KCNQ1: variants seen among roughly 807,000 people sequenced by gnomAD.
KCNQ1 encodes the protein potassium voltage-gated channel subfamily KQT member 1.
KCNQ1 carries 49 observed loss-of-function variants against 72.4 expected under a neutral mutation model. The observed-to-expected ratio is 0.68, with a 90% confidence interval of 0.54 to 0.86. The LOEUF (loss-of-function observed/expected upper bound fraction) is 0.86. Ranked by LOEUF, KCNQ1 falls within the 40% of genes least tolerant of loss-of-function variation. KCNQ1 has a pLI of 0.00. For synonymous variants in KCNQ1, 450 were observed against 412.6 expected, an observed-to-expected ratio of 1.09 and a Z score of -1.10; for missense variants, 790 against 945.1, an observed-to-expected ratio of 0.84 and a Z score of 2.15.
chr11:2,689,345 G>C (rs768893958), intron 11 of KCNQ1: 2 of 398,562 alleles, frequency 5.0e-6, no homozygotes, highest in Non-Finnish European at 8.8e-6. Context: ...AGAGCTTGAG[G>C]CCTTTAGGTC....
At chr11:2,837,471 C>A (rs1848096724) in intron 15 of KCNQ1, among the ~76,000 whole-genome samples, 1 of 152,226 alleles carries the variant, frequency 6.6e-6, no homozygotes, top group South Asian at 2.1e-4. Flanking sequence ...ACTCCCCGGC[C>A]CCTCCCTGCT....
intron 11 of KCNQ1, chr11:2,681,899 G>A (rs565585915): frequency 2.0e-5 from 8 of 398,518 alleles, no homozygotes; most frequent in East Asian, 7.1e-5. Flanking sequence ...AAAACACACC[G>A]GCCATAATGA....
At position 2,664,168 on chromosome 11, in the gene KCNQ1, G is replaced by A; in HGVS notation, c.1514+2087G>A. On this transcript the variant is annotated intron_variant, in intron 11 of 15. Coordinates refer to ENST00000155840, the MANE Select transcript of KCNQ1 (RefSeq NM_000218.3). This position sits in a 1 kb window ranked among gnomAD's most constrained non-coding sequence, Gnocchi z 5.1. ...CTCAGAGCAGGCTGTTCCAAAAGTG[G>A]CTGCTAGATATGAGCCAGCCTGGGA... 1 of 398,728 alleles carries A rather than the reference G, an allele frequency of 2.5e-6. No individual in the cohort carries two copies. 24.7% of individuals were successfully genotyped at this position (398,728 alleles called of 1,614,324 possible).
At position 2,816,037 on chromosome 11, in the gene KCNQ1, T is replaced by G. The variant is rs1028243768; in HGVS notation, c.1795-31730T>G. Among the ~76,000 whole-genome samples the G allele has an allele frequency of 6.6e-6, 1 of 152,052 alleles. No homozygotes were observed. Among genetic ancestry groups the G allele is most frequent in the Non-Finnish European group, 1.5e-5 (1 of 68,008 alleles). ...CACACAGTCCTGGGTGAGGGCTCCG[T>G]TAGATGAATGTGGACGGCTGGCGGC... On this transcript the variant is annotated intron_variant, in intron 15 of 15. Coordinates refer to ENST00000155840, the MANE Select transcript of KCNQ1 (RefSeq NM_000218.3). The surrounding 1 kb of genome is among the most constrained non-coding windows in gnomAD (Gnocchi z 6.8).
intron 15 of KCNQ1, among the ~76,000 whole-genome samples, chr11:2,843,806 T>C (rs1201412152): frequency 6.6e-6 from 1 of 152,250 alleles, no homozygotes; most frequent in Admixed American, 6.5e-5. Context: ...TAATTGCTTT[T>C]TTCTCTTCCG....
chr11:2,672,134 C>G, intron 11 of KCNQ1: 2 of 398,752 alleles, frequency 5.0e-6, no homozygotes, highest in Non-Finnish European at 8.8e-6. Flanking sequence ...CTAATCCTCC[C>G]TCTTTGGGCC....
chr11:2,588,927 C>T lies in KCNQ1; in HGVS notation c.1393+73C>T. 1.9e-6 allele frequency: 3 copies of T among 1,546,816 alleles called. No individual in the cohort carries two copies. The highest frequency in any genetic ancestry group is 8.8e-7 in the Non-Finnish European group (1 of 1,135,290). On this transcript the variant is annotated intron_variant, in intron 10 of 15. Coordinates refer to ENST00000155840, the MANE Select transcript of KCNQ1 (RefSeq NM_000218.3). This position sits in a 1 kb window ranked among gnomAD's most constrained non-coding sequence, Gnocchi z 5.6. ...TGCCTTTTTTGGGAGCCCGAGCAAGCCAGTGAGTTTCTCCCTTGGGCTGTG... is the reference window on the plus strand; with the variant it reads ...TGCCTTTTTTGGGAGCCCGAGCAAGTCAGTGAGTTTCTCCCTTGGGCTGTG...
At chr11:2,632,056 G>A (rs1276255072) in intron 10 of KCNQ1, 3 of 396,352 alleles carry the variant, frequency 7.6e-6, no homozygotes, top group Non-Finnish European at 1.3e-5. Context: ...AGCAGCGTGT[G>A]CCTGTAGTCC....
At position 2,654,315 on chromosome 11, in the gene KCNQ1, G is replaced by A; in HGVS notation, c.1394-7646G>A. On this transcript the variant is annotated intron_variant, in intron 10 of 15. Coordinates refer to ENST00000155840, the MANE Select transcript of KCNQ1 (RefSeq NM_000218.3). This position sits in a 1 kb window ranked among gnomAD's most constrained non-coding sequence, Gnocchi z 6.4. Reference sequence around the variant, plus strand: ...TGAGAGGGGGAGATTTCTTGAGGGGGCCAGGGAGGGGGCTTCTACTTGCAA... The same window carrying A: ...TGAGAGGGGGAGATTTCTTGAGGGGACCAGGGAGGGGGCTTCTACTTGCAA... 3 of 397,050 alleles carry A rather than the reference G, an allele frequency of 7.6e-6. No individual in the cohort carries two copies. 24.6% of individuals were successfully genotyped at this position (397,050 alleles called of 1,614,324 possible). A position where few individuals can be genotyped will look rare whatever the true frequency, so the allele number is the denominator to read the frequency against.
At chr11:2,741,807 C>T (rs1846056674) in intron 11 of KCNQ1, among the ~76,000 whole-genome samples, 1 of 152,220 alleles carries the variant, frequency 6.6e-6, no homozygotes, top group African/African-American at 2.4e-5. Context: ...CAGGGATCCT[C>T]CGCCTGTGGT....
At chr11:2,749,995 A>C (rs1252937762) in intron 11 of KCNQ1, among the ~76,000 whole-genome samples, 2 of 151,220 alleles carry the variant, frequency 1.3e-5, no homozygotes, top group Admixed American at 6.6e-5. Flanking sequence ...GGGGCTCTAC[A>C]CGGCGCCCTG....
chr11:2,476,221 T>G (rs1353431295), intron 1 of KCNQ1, among the ~76,000 whole-genome samples: 1 of 152,204 alleles, frequency 6.6e-6, no homozygotes, highest in African/African-American at 2.4e-5. Context: ...CTGCAAAAAC[T>G]TCAAGACATT....
At chr11:2,831,160 C>A (rs1004156896) in intron 15 of KCNQ1, among the ~76,000 whole-genome samples, 1 of 152,220 alleles carries the variant, frequency 6.6e-6, no homozygotes, top group Non-Finnish European at 1.5e-5. Context: ...ATGGGATGTT[C>A]TCAGAATGAC....
In KCNQ1 at chr11:2,612,040, A is replaced by C. The variant is rs1007490096; in HGVS notation, c.1393+23186A>C. The C allele has an allele frequency of 1.5e-5, 6 of 398,476 alleles. No homozygotes were observed. The highest frequency in any genetic ancestry group is 2.2e-5 in the Non-Finnish European group (5 of 226,064). 24.7% of individuals were successfully genotyped at this position (398,476 alleles called of 1,614,324 possible). ...AATTCCACATATGTTTTCTACTCTT[A>C]ATTACATATATGTTACAACTTAATT... On this transcript the variant is annotated intron_variant, in intron 10 of 15. Coordinates refer to ENST00000155840, the MANE Select transcript of KCNQ1 (RefSeq NM_000218.3). The surrounding 1 kb of genome is among the most constrained non-coding windows in gnomAD (Gnocchi z 5.5).
At chr11:2,448,009 C>T (rs536644597) in intron 1 of KCNQ1, among the ~76,000 whole-genome samples, 20 of 152,326 alleles carry the variant, frequency 1.3e-4, no homozygotes, top group Admixed American at 9.1e-4. Flanking sequence ...AACTCTTGCC[C>T]GCTTAGGCTT....
At position 2,658,338 on chromosome 11, in the gene KCNQ1, T is replaced by C. The variant is rs1437904911; in HGVS notation, c.1394-3623T>C. The C allele has an allele frequency of 2.5e-6, 1 of 398,526 alleles. No homozygotes were observed. 24.7% of individuals were successfully genotyped at this position (398,526 alleles called of 1,614,324 possible). ...TTGTCCCTCTCCTCCAATTGTTTAT[T>C]TAATTTTATCAGTGTGGATTTGGGA... is the stretch of plus-strand genomic sequence containing the variant. On this transcript the variant is annotated intron_variant, in intron 10 of 15. Coordinates refer to ENST00000155840, the MANE Select transcript of KCNQ1 (RefSeq NM_000218.3). The surrounding 1 kb of genome is among the most constrained non-coding windows in gnomAD (Gnocchi z 4.9).
rs1253706241 is a variant in KCNQ1, at chr11:2,447,392, T to C, written c.386+1908T>C. Among the ~76,000 whole-genome samples, 2 of 152,230 alleles carry C rather than the reference T, an allele frequency of 1.3e-5. No homozygotes were observed. Among genetic ancestry groups the C allele is most frequent in the South Asian group, 4.1e-4 (2 of 4,826 alleles). The stretch of plus-strand genomic sequence containing the variant: ...CCTTTCCAGTTCTGGGTCCTGTCCT[T>C]GTAAGACGTGTGCCTGGCCCTGGGA... On this transcript the variant is annotated intron_variant, in intron 1 of 15. Transcript: ENST00000155840. The surrounding 1 kb of genome is among the most constrained non-coding windows in gnomAD (Gnocchi z 7.6).
intron 1 of KCNQ1, among the ~76,000 whole-genome samples, chr11:2,448,273 G>A (rs1395333556): frequency 1.3e-5 from 2 of 152,216 alleles, no homozygotes; most frequent in East Asian, 3.9e-4. Context: ...GACTGCCCCT[G>A]TAGGCTCTCA....
At chr11:2,812,304 C>T (rs1847504924) in intron 15 of KCNQ1, among the ~76,000 whole-genome samples, 1 of 152,186 alleles carries the variant, frequency 6.6e-6, no homozygotes, top group South Asian at 2.1e-4. Context: ...CCTTCTTTCC[C>T]CCTTCCCTCC....
Sources: gnomAD v4.1 joint callset for allele counts (sites outside exome capture counted in the v4.1 genomes callset) on GRCh38, gnomAD v4.1.1 for gene constraint, Gnocchi (gnomAD v3.1) non-coding constraint, MANE v1.5 for transcripts, NCBI Gene and HGNC (gene_info 2026-07-23, HGNC 2026-07-21) for gene names.